Variants in HARBI1 observed in about 807,000 individuals in gnomAD.
The protein encoded by HARBI1 is putative nuclease HARBI1.
A neutral mutation model predicts 25.3 loss-of-function variants in HARBI1; 15 were observed. The ratio of observed to expected loss-of-function variants is 0.59; its 90% CI spans 0.40 to 0.91. The LOEUF (loss-of-function observed/expected upper bound fraction) is 0.91. Ranked by LOEUF, HARBI1 falls within the 40% of genes least tolerant of loss-of-function variation. The probability of loss-of-function intolerance (pLI) is 0.00; values close to 1 mark genes in which losing one functional copy is unlikely to be tolerated. For missense variants in HARBI1, 396 were observed against 445.8 expected (o/e 0.89, Z 1.01); for synonymous variants, 168 against 160.5 (o/e 1.05, Z -0.35).
chr11:46,607,988 A>G (rs1217873379), intron 2 of HARBI1, among the ~76,000 whole-genome samples: 1 of 151,622 alleles, frequency 6.6e-6, no homozygotes, highest in East Asian at 1.9e-4. Context: ...CCTCAAACCT[A>G]AGGGTTGTTT....
intron 2 of HARBI1, among the ~76,000 whole-genome samples, chr11:46,607,342 G>A (rs2044995486): frequency 6.6e-6 from 1 of 151,384 alleles, no homozygotes; most frequent in African/African-American, 2.4e-5. Context: ...TTTTTCAAAT[G>A]AGAAGATCAA....
At position 46,603,856 on chromosome 11, in the gene HARBI1, C is replaced by G. The variant is rs1484098870; in HGVS notation, c.724G>C (p.Glu242Gln). The G allele has an allele frequency of 6.2e-7, 1 of 1,613,996 alleles. No homozygotes were observed. The highest frequency in any genetic ancestry group is 2.2e-5 in the East Asian group (1 of 44,888). Residue 242 changes from glutamate to glutamine, a missense_variant, in exon 3 of 3, where the codon GAA (glutamate) becomes CAA (glutamine). Physicochemically the swap from Glu to Gln is conservative, Grantham distance 29. Transcript: ENST00000326737. ...TTATAGCGATATTCTGCTGGAGTTTCAGGAATGTGAAGTGGGGTCATGAGC... is the reference window on the plus strand; with the variant it reads ...TTATAGCGATATTCTGCTGGAGTTTGAGGAATGTGAAGTGGGGTCATGAGC... ...TWLMTPLHIP[E>Q]TPAEYRYNMA... is the part of the protein sequence containing the mutation.
Position 46,615,516 on chromosome 11 carries a change from A to G in HARBI1, c.670+52T>C, listed in dbSNP as rs77661663. Reference sequence around the variant, plus strand: ...GTGTGAGCCACCGCCCCCAGCCTACATAACTTTTCTATGCCTCCAAACAAA... The same window carrying G: ...GTGTGAGCCACCGCCCCCAGCCTACGTAACTTTTCTATGCCTCCAAACAAA... On this transcript the variant is annotated intron_variant, in intron 2 of 2. Coordinates refer to ENST00000326737, the MANE Select transcript of HARBI1 (RefSeq NM_173811.4). 2,556 of 1,528,274 alleles carry G rather than the reference A, an allele frequency of 1.7e-3. 27 individuals carry two copies. In the African/African-American group the frequency reaches 0.031, roughly 19 times the overall value. 94.7% of individuals were successfully genotyped at this position (1,528,274 alleles called of 1,614,324 possible). A position where few individuals can be genotyped will look rare whatever the true frequency, so the allele number is the denominator to read the frequency against.
rs1273541196 is a variant in HARBI1 at position 46,615,807 on chromosome 11, A to G, written c.431T>C (p.Val144Ala). 1 of 1,613,812 alleles carries G rather than the reference A, an allele frequency of 6.2e-7. No individual in the cohort carries two copies. Among genetic ancestry groups the G allele is most frequent in the Non-Finnish European group, 8.5e-7 (1 of 1,179,970 alleles). The change falls in exon 2 of 3, where the codon GTG becomes GCG. Residue 144 changes from valine to alanine, a missense_variant. Physicochemically the swap from Val to Ala is moderately conservative, Grantham distance 64. Transcript: ENST00000326737. ...EFYGLAGMPG[V>A]MGVVDCIHVA... ...ATGGATACAGTCAACCACCCCCATC[A>G]CCCCTGGCATCCCTGCCAACCCATA...
At chr11:46,610,775 A>G (rs1296854266) in intron 2 of HARBI1, among the ~76,000 whole-genome samples, 1 of 152,208 alleles carries the variant, frequency 6.6e-6, no homozygotes, top group African/African-American at 2.4e-5. Context: ...AATTTTTACT[A>G]ATTTTCAACT....
chr11:46,614,063 T>C (rs1161933661), intron 2 of HARBI1, among the ~76,000 whole-genome samples: 1 of 152,026 alleles, frequency 6.6e-6, no homozygotes, highest in East Asian at 1.9e-4. Flanking sequence ...TGTATAAATA[T>C]ATACCTGTAA....
chr11:46,614,264 C>A (rs1345982298), intron 2 of HARBI1, among the ~76,000 whole-genome samples: 2 of 151,788 alleles, frequency 1.3e-5, no homozygotes, highest in African/African-American at 4.8e-5. Flanking sequence ...CCCGTCTCTA[C>A]TAAAAATACA....
rs1253613501 is a variant in HARBI1, at chr11:46,615,799, C to G, written c.439G>C (p.Val147Leu). 1 of 1,614,198 alleles carries G rather than the reference C, an allele frequency of 6.2e-7. No individual in the cohort carries two copies. Among genetic ancestry groups the G allele is most frequent in the Non-Finnish European group, 8.5e-7 (1 of 1,180,034 alleles). Reference sequence around the variant, plus strand: ...ATGGCCACATGGATACAGTCAACCACCCCCATCACCCCTGGCATCCCTGCC... The same window carrying G: ...ATGGCCACATGGATACAGTCAACCAGCCCCATCACCCCTGGCATCCCTGCC... ...GLAGMPGVMG[V>L]VDCIHVAIKA... The change falls in exon 2 of 3, where the codon GTG (valine) becomes CTG (leucine). Residue 147 changes from valine to leucine, a missense_variant. Coordinates refer to ENST00000326737, the MANE Select transcript of HARBI1 (RefSeq NM_173811.4).
intron 2 of HARBI1, among the ~76,000 whole-genome samples, chr11:46,612,593 A>AT (rs1309395464): frequency 6.6e-6 from 1 of 152,148 alleles, no homozygotes; most frequent in African/African-American, 2.4e-5. Context: ...AGTTGCTACA[A>AT]TAAGAATTGT....
Position 46,603,900 on chromosome 11 carries a change from G to A in HARBI1, c.680C>T (p.Ser227Phe), listed in dbSNP as rs201053799. Residue 227 changes from serine to phenylalanine, a missense_variant, in exon 3 of 3, where the codon TCC becomes TTC. Physicochemically the swap from Ser to Phe is radical, Grantham distance 155. Transcript: ENST00000326737. ...CATGAGCCAGGTTCGAAGAAAGAAG[G>A]AACTGTCACCTGTGGGGAAGGCCCA... Reference protein sequence around the residue: ...HKDSWLLGDSSFFLRTWLMTP... With the variant: ...HKDSWLLGDSFFFLRTWLMTP... 5.6e-4 allele frequency: 900 copies of A among 1,610,104 alleles called. 3 individuals carry two copies. The highest frequency in any genetic ancestry group is 7.2e-4 in the Non-Finnish European group (846 of 1,177,582).
chr11:46,615,744 T>C lies in HARBI1; in HGVS notation c.494A>G (p.Tyr165Cys). The change falls in exon 2 of 3, where the codon TAT becomes TGT. Residue 165 changes from tyrosine (Y) to cysteine (C), a missense_variant. Physicochemically the swap from Tyr to Cys is radical, Grantham distance 194. Transcript: ENST00000326737. ...AGAATGCAGGCCTTTTCGGTTCACATAGGAGAGGTCTTCAGCATTTGGTGC... is the reference window on the plus strand; with the variant it reads ...AGAATGCAGGCCTTTTCGGTTCACACAGGAGAGGTCTTCAGCATTTGGTGC... ...IKAPNAEDLS[Y>C]VNRKGLHSLN... is the part of the protein sequence containing the mutation. 6.2e-7 allele frequency: 1 copy of C among 1,614,144 alleles called. No individual in the cohort carries two copies. The highest frequency in any genetic ancestry group is 8.5e-7 in the Non-Finnish European group (1 of 1,180,030).
intron 2 of HARBI1, chr11:46,604,623 C>G: frequency 2.0e-6 from 2 of 984,814 alleles, no homozygotes; most frequent in African/African-American, 1.7e-5. Context: ...AAAGCACTAC[C>G]AAGGGATTTC....
At chr11:46,606,556 C>T (rs771018350) in intron 2 of HARBI1, among the ~76,000 whole-genome samples, 4 of 152,094 alleles carry the variant, frequency 2.6e-5, no homozygotes, top group Non-Finnish European at 2.9e-5. Flanking sequence ...TCAGATGATC[C>T]GCTCCCTTTG....
intron 2 of HARBI1, among the ~76,000 whole-genome samples, chr11:46,613,334 C>T (rs949472341): frequency 6.6e-6 from 1 of 152,010 alleles, no homozygotes; most frequent in Non-Finnish European, 1.5e-5. Flanking sequence ...ATATATATTA[C>T]CTAATCCCCA....
chr11:46,608,344 A>G (rs1388125464), intron 2 of HARBI1, among the ~76,000 whole-genome samples: 1 of 152,074 alleles, frequency 6.6e-6, no homozygotes, highest in Non-Finnish European at 1.5e-5. Context: ...TTAGCCATCT[A>G]TTCTCTCTTT....
chr11:46,604,158 A>G (rs759158794), intron 2 of HARBI1: 7 of 985,418 alleles, frequency 7.1e-6, no homozygotes, highest in Non-Finnish European at 7.2e-6. Flanking sequence ...CTGGCACCTA[A>G]AGGAAGCCAA....
In HARBI1 at chr11:46,615,570, A is replaced by G; in HGVS notation, c.668T>C (p.Leu223Pro). ...EAGMHKDSWL[L>P]GDSSFFLRTW... Reference sequence around the variant, plus strand: ...AAAATTCACACTTGCAAACTTACCCAGAAGCCAGCTATCTTTGTGCATACC... The same window carrying G: ...AAAATTCACACTTGCAAACTTACCCGGAAGCCAGCTATCTTTGTGCATACC... The change falls in exon 2 of 3, where the codon CTG (leucine) becomes CCG (proline). Residue 223 changes from leucine to proline, a missense_variant and splice_region_variant. Physicochemically the swap from Leu to Pro is moderately conservative, Grantham distance 98 (BLOSUM62 -3). Coordinates refer to ENST00000326737, the MANE Select transcript of HARBI1 (RefSeq NM_173811.4). 1 of 1,611,024 alleles carries G rather than the reference A, an allele frequency of 6.2e-7. No individual in the cohort carries two copies. The highest frequency in any genetic ancestry group is 8.5e-7 in the Non-Finnish European group (1 of 1,177,722).
chr11:46,617,876 G>T, upstream of HARBI1: 1 of 399,142 alleles, frequency 2.5e-6, no homozygotes, highest in Non-Finnish European at 4.4e-6. Flanking sequence ...CACTCTTTGT[G>T]CCGCAGCTTC....
intron 2 of HARBI1, among the ~76,000 whole-genome samples, chr11:46,615,196 GCTA>G (rs753124995): frequency 7.3e-5 from 11 of 149,732 alleles, no homozygotes; most frequent in Middle Eastern, 3.8e-3. Flanking sequence ...ACAGGCATGA[GCTA>G]CACGTGCGGT....
Sources: gnomAD v4.1 joint callset for allele counts (sites outside exome capture counted in the v4.1 genomes callset) on GRCh38, gnomAD v4.1.1 for gene constraint, MANE v1.5 for transcripts, NCBI Gene and HGNC (gene_info 2026-07-23, HGNC 2026-07-21) for gene names.